The following PDE2A variants were observed in gnomAD, a reference collection of about 807,000 sequenced individuals.
PDE2A encodes cGMP-dependent 3',5'-cyclic phosphodiesterase.
A neutral mutation model predicts 133.6 loss-of-function variants in PDE2A; 53 were observed. The observed-to-expected ratio is 0.40, with a 90% CI of 0.32 to 0.50. The LOEUF (loss-of-function observed/expected upper bound fraction) is 0.50, where lower values mean the gene tolerates loss of function less well. PDE2A is among the 20% of genes least tolerant of loss of function. The pLI is 0.73. For synonymous variants in PDE2A, 491 were observed against 490.2 expected, an observed-to-expected ratio of 1.00 and a Z score of -0.02; for missense variants, 796 against 1,232.4, an observed-to-expected ratio of 0.65 and a Z score of 5.30.
chr11:72,603,752 C>A (rs554693148), intron 4 of PDE2A, among the ~76,000 whole-genome samples: 1 of 152,296 alleles, frequency 6.6e-6, no homozygotes, highest in South Asian at 2.1e-4. Flanking sequence ...GTGGTAATGG[C>A]TTTGTTCCCA....
At chr11:72,598,390 G>A in intron 4 of PDE2A, 1 of 594,882 alleles carries the variant, frequency 1.7e-6, no homozygotes, top group South Asian at 1.6e-5. Flanking sequence ...AGTGGCAGAG[G>A]GGTGGTGGGA....
intron 2 of PDE2A, among the ~76,000 whole-genome samples, chr11:72,627,258 T>G (rs1248472263): frequency 6.6e-6 from 1 of 152,212 alleles, no homozygotes; most frequent in Non-Finnish European, 1.5e-5. Context: ...CTCTGCCTCC[T>G]GGGTGTTTAC....
intron 1 of PDE2A, among the ~76,000 whole-genome samples, chr11:72,655,161 C>T (rs964540963): frequency 9.2e-5 from 14 of 152,216 alleles, no homozygotes; most frequent in Non-Finnish European, 7.4e-5. Context: ...ACACCCTGTA[C>T]GCACTCAGAG....
chr11:72,664,595 G>T (rs1271591634), intron 1 of PDE2A, among the ~76,000 whole-genome samples: 1 of 151,414 alleles, frequency 6.6e-6, no homozygotes, highest in East Asian at 2.0e-4. Flanking sequence ...GGATGGTCTC[G>T]ATCTCCTGAC....
chr11:72,636,991 G>A (rs765645236), intron 2 of PDE2A, among the ~76,000 whole-genome samples: 2 of 152,148 alleles, frequency 1.3e-5, no homozygotes, highest in Non-Finnish European at 2.9e-5. Context: ...GGACCCAGCC[G>A]GCTGGCACCC....
At chr11:72,591,708 G>C (rs1474880168) in intron 6 of PDE2A, among the ~76,000 whole-genome samples, 1 of 152,204 alleles carries the variant, frequency 6.6e-6, no homozygotes, top group Non-Finnish European at 1.5e-5. Context: ...TTTTAGAATT[G>C]GTGGTATTAG....
At chr11:72,647,261 G>A (rs568103221) in intron 1 of PDE2A, among the ~76,000 whole-genome samples, 2 of 152,340 alleles carry the variant, frequency 1.3e-5, no homozygotes, top group East Asian at 3.9e-4. Flanking sequence ...CATGGACCAT[G>A]GTTACACCCC....
chr11:72,581,663 C>G (rs1359318971), intron 22 of PDE2A, among the ~76,000 whole-genome samples, 184 bp from the exon 23 acceptor site: 3 of 152,232 alleles, frequency 2.0e-5, no homozygotes, highest in Non-Finnish European at 4.4e-5. Context: ...CACTCTCGGC[C>G]TTGCCTCCAG....
At chr11:72,659,312 A>T (rs1417591496) in intron 1 of PDE2A, 2 of 150,584 alleles carry the variant, frequency 1.3e-5, no homozygotes, top group Non-Finnish European at 3.0e-5. Context: ...CTTGAGTCTG[A>T]TCCGAATCCC....
At chr11:72,607,163 G>T (rs974675550) in intron 3 of PDE2A, among the ~76,000 whole-genome samples, 1 of 152,186 alleles carries the variant, frequency 6.6e-6, no homozygotes, top group Non-Finnish European at 1.5e-5. Flanking sequence ...GGGCTCTTGG[G>T]TGGGCCAGGG....
At chr11:72,664,364 ATTTTTTT>A (rs34217943) in intron 1 of PDE2A, among the ~76,000 whole-genome samples, 13 of 70,080 alleles carry the variant, frequency 1.9e-4, no homozygotes, top group Admixed American at 5.4e-4. Flanking sequence ...CCCTTGAAGG[ATTTTTTT>A]TTTTTTTTTT....
chr11:72,589,300 C>T, intron 11 of PDE2A, 60 bp from the exon 12 acceptor site: 1 of 1,209,100 alleles, frequency 8.3e-7, no homozygotes, highest in Non-Finnish European at 1.2e-6. Context: ...GGGATCTCAA[C>T]CTGTCCCCAC....
intron 2 of PDE2A, among the ~76,000 whole-genome samples, chr11:72,641,543 T>G (rs1858951402): frequency 6.6e-6 from 1 of 152,018 alleles, no homozygotes; most frequent in Admixed American, 6.5e-5. Flanking sequence ...CCAGAAATAC[T>G]TGAAGAGAAA....
intron 2 of PDE2A, 21 bp downstream of exon 2, chr11:72,642,233 C>A: frequency 6.7e-7 from 1 of 1,487,014 alleles, no homozygotes; most frequent in East Asian, 2.7e-5. Flanking sequence ...CTCCTGGTGC[C>A]CAGCGCGGGG....
At chr11:72,601,074 G>T (rs11235546) in intron 4 of PDE2A, among the ~76,000 whole-genome samples, 64,149 of 136,458 alleles carry the variant, frequency 0.47, 15,800 homozygotes, top group East Asian at 0.75. Flanking sequence ...CCAGGCATCA[G>T]TAAGCAGCCA....
intron 2 of PDE2A, among the ~76,000 whole-genome samples, chr11:72,638,296 C>A (rs1357162731): frequency 1.3e-5 from 2 of 152,316 alleles, no homozygotes; most frequent in South Asian, 2.1e-4. Flanking sequence ...ATCCGATGGA[C>A]CCCAGTTTCC....
chr11:72,588,425 T>C (rs935022213), intron 13 of PDE2A, among the ~76,000 whole-genome samples: 2 of 152,142 alleles, frequency 1.3e-5, no homozygotes, highest in East Asian at 1.9e-4. Flanking sequence ...CATATTCCCT[T>C]TAGCCACTGT....
intron 11 of PDE2A, 27 bp from the exon 12 acceptor site, chr11:72,589,267 G>C (rs1184367315): frequency 6.4e-7 from 1 of 1,574,176 alleles, no homozygotes; most frequent in African/African-American, 1.3e-5. Flanking sequence ...GACTGAGTCA[G>C]GGCCCAGTAC....
intron 25 of PDE2A, 95 bp from the exon 26 acceptor site, chr11:72,579,703 G>GC: frequency 1.2e-6 from 1 of 841,926 alleles, no homozygotes; most frequent in Non-Finnish European, 1.9e-6. Context: ...TCCAGCTCCA[G>GC]CCCCCAGGTC....
Sources: allele counts gnomAD v4.1 joint callset (sites outside exome capture counted in the v4.1 genomes callset), GRCh38; gene constraint gnomAD v4.1.1; transcripts MANE v1.5; gene names NCBI Gene and HGNC (gene_info 2026-07-23, HGNC 2026-07-21).